Variants in GPBP1 observed in about 807,000 individuals in gnomAD.
The protein encoded by GPBP1 is GC-rich promoter binding protein 1.
In GPBP1, 13 loss-of-function variants were observed where a neutral mutation model predicts 56.5. The observed-to-expected ratio is 0.23, with a 90% confidence interval of 0.15 to 0.37. The LOEUF is 0.37. GPBP1 is among the 10% of genes least tolerant of loss of function. The pLI, the probability that GPBP1 is intolerant of heterozygous loss-of-function variation, is 1.00. For missense variants in GPBP1, 477 were observed against 572.3 expected (o/e 0.83, Z 1.70); for synonymous variants, 204 against 188.9 (o/e 1.08, Z -0.66).
chr5:57,199,736 T>C (rs368846517), intron 2 of GPBP1, among the ~76,000 whole-genome samples: 1 of 152,104 alleles, frequency 6.6e-6, no homozygotes, highest in East Asian at 1.9e-4. Flanking sequence ...TATGTAATCG[T>C]CACTTTAAAA....
At chr5:57,212,971 A>G (rs1755554575) in intron 2 of GPBP1, among the ~76,000 whole-genome samples, 1 of 151,978 alleles carries the variant, frequency 6.6e-6, no homozygotes. Flanking sequence ...CGTGAGCCAC[A>G]ATGCCGGGAC....
intron 5 of GPBP1, among the ~76,000 whole-genome samples, chr5:57,232,537 A>G (rs1756503499): frequency 6.6e-6 from 1 of 152,196 alleles, no homozygotes; most frequent in Non-Finnish European, 1.5e-5. Context: ...TACCTTTATC[A>G]GCATTCCACA....
chr5:57,257,153 C>G (rs1741701776), intron 10 of GPBP1, among the ~76,000 whole-genome samples: 2 of 151,962 alleles, frequency 1.3e-5, no homozygotes, highest in South Asian at 4.1e-4. Flanking sequence ...CCTGCCTCGG[C>G]CTCCCGGAAT....
intron 3 of GPBP1, among the ~76,000 whole-genome samples, chr5:57,218,452 G>C (rs1412928855): frequency 6.6e-6 from 1 of 152,180 alleles, no homozygotes; most frequent in African/African-American, 2.4e-5. Context: ...ATAATGGTGA[G>C]GTATTAGGTG....
At chr5:57,235,846 T>A (rs1410968523) in intron 5 of GPBP1, 120 bp from the exon 6 acceptor site, 1 of 724,028 alleles carries the variant, frequency 1.4e-6, no homozygotes, top group East Asian at 2.7e-5. Flanking sequence ...TTAGGGTTAT[T>A]CAACCTGTAG....
chr5:57,181,894 T>A (rs1004074218), intron 2 of GPBP1, among the ~76,000 whole-genome samples: 1 of 152,148 alleles, frequency 6.6e-6, no homozygotes, highest in Non-Finnish European at 1.5e-5. Context: ...CCTGCTTGCT[T>A]TTCCCATTTT....
chr5:57,218,617 G>A (rs1755799265), intron 3 of GPBP1, among the ~76,000 whole-genome samples: 1 of 152,130 alleles, frequency 6.6e-6, no homozygotes, highest in East Asian at 1.9e-4. Context: ...GCCCTGTGCT[G>A]AGACTGTTGG....
Position 57,248,474 on chromosome 5 carries a change from C to T in GPBP1, c.805-935C>T, listed in dbSNP as rs1318452512. Among the ~76,000 whole-genome samples, 23 of 132,836 alleles carry T rather than the reference C, an allele frequency of 1.7e-4. 1 individual carries two copies. In the Admixed American group the frequency reaches 1.9e-3, roughly 11 times the overall value. 87.1% of individuals were successfully genotyped at this position (132,836 alleles called of 152,430 possible). On this transcript the variant is annotated intron_variant, in intron 8 of 11. Transcript: ENST00000506184. ...ACGGAGTCTCGCTCTGTCGCCCAGG[C>T]TGGAGTGCAGTGGCGGGATCTCGGC...
intron 2 of GPBP1, among the ~76,000 whole-genome samples, chr5:57,197,919 A>C (rs831649): frequency 1.5e-4 from 23 of 151,984 alleles, no homozygotes; most frequent in African/African-American, 5.1e-4. Flanking sequence ...AGTTAGGTGT[A>C]TGTGAGCAGT....
intron 2 of GPBP1, among the ~76,000 whole-genome samples, chr5:57,213,157 G>A (rs1380462191): frequency 6.6e-6 from 1 of 151,762 alleles, no homozygotes; most frequent in East Asian, 1.9e-4. Context: ...AGGTTCAAGT[G>A]ATTTTCCCGC....
At chr5:57,234,068 A>G (rs1756568376) in intron 5 of GPBP1, among the ~76,000 whole-genome samples, 1 of 152,144 alleles carries the variant, frequency 6.6e-6, no homozygotes, top group Non-Finnish European at 1.5e-5. Context: ...CACCGCCAAA[A>G]TCTTAATTCT....
chr5:57,239,389 A>G (rs1421084014), intron 6 of GPBP1, among the ~76,000 whole-genome samples: 2 of 152,232 alleles, frequency 1.3e-5, no homozygotes, highest in African/African-American at 2.4e-5. Context: ...AAAGTACCAT[A>G]TCGATTGGTG....
chr5:57,226,729 C>CTTTTTTTTTTTT (rs70999067), intron 3 of GPBP1, among the ~76,000 whole-genome samples: 3 of 77,098 alleles, frequency 3.9e-5, no homozygotes, highest in Non-Finnish European at 7.4e-5. Context: ...TTTTTGTATT[C>CTTTTTTTTTTTT]TTTTTTTTTT....
rs370235940 is a variant in GPBP1 at position 57,220,148 on chromosome 5, T to C, written c.63+5955T>C. Among the ~76,000 whole-genome samples, 242 of 152,074 alleles carry C rather than the reference T, an allele frequency of 1.6e-3. 9 individuals carry two copies. In the South Asian group the frequency reaches 0.048, roughly 30 times the overall value. On this transcript the variant is annotated intron_variant, in intron 3 of 11. Coordinates refer to ENST00000506184, the MANE Select transcript of GPBP1 (RefSeq NM_022913.4). ...AATGTTAACTTGAAGTTAAGATTGGTAATTTAAAAAATTAAAAAAAAAATA... is the reference window on the plus strand; with the variant it reads ...AATGTTAACTTGAAGTTAAGATTGGCAATTTAAAAAATTAAAAAAAAAATA...
intron 2 of GPBP1, among the ~76,000 whole-genome samples, chr5:57,193,053 A>G (rs896486805): frequency 1.3e-5 from 2 of 152,174 alleles, no homozygotes; most frequent in African/African-American, 4.8e-5. Context: ...ACGGTGACTC[A>G]TGTCTGTAAT....
chr5:57,177,538 A>T (rs1311449264), intron 2 of GPBP1, among the ~76,000 whole-genome samples: 2 of 148,106 alleles, frequency 1.4e-5, no homozygotes, highest in Non-Finnish European at 3.0e-5. Context: ...CAATGGCATG[A>T]TTTTGGCTCA....
chr5:57,232,118 C>T (rs1178267744), intron 5 of GPBP1, among the ~76,000 whole-genome samples: 1 of 152,080 alleles, frequency 6.6e-6, no homozygotes, highest in African/African-American at 2.4e-5. Context: ...CTCAGGCAGT[C>T]CTCTCTTGTC....
intron 2 of GPBP1, among the ~76,000 whole-genome samples, chr5:57,205,959 GACTC>G (rs1755215143): frequency 3.9e-5 from 6 of 152,140 alleles, no homozygotes; most frequent in African/African-American, 1.4e-4. Flanking sequence ...TAGAGATAGG[GACTC>G]ACTGTGTTGC....
chr5:57,214,316 T>C, intron 3 of GPBP1, 123 bp downstream of exon 3: 1 of 840,226 alleles, frequency 1.2e-6, no homozygotes, highest in Non-Finnish European at 2.0e-6. Flanking sequence ...CTGGGCGCGG[T>C]GGCTCACCCC....
Sources: gnomAD v4.1 joint callset for allele counts (sites outside exome capture counted in the v4.1 genomes callset) on GRCh38, gnomAD v4.1.1 for gene constraint, MANE v1.5 for transcripts, NCBI Gene and HGNC (gene_info 2026-07-23, HGNC 2026-07-21) for gene names.